CNBP: variants seen among roughly 807,000 people sequenced by gnomAD.
The protein encoded by CNBP is CCHC-type zinc finger nucleic acid binding protein.
In CNBP, 6 loss-of-function variants were observed where a neutral mutation model predicts 21.2. The ratio of observed to expected loss-of-function variants is 0.28; its 90% CI spans 0.16 to 0.56. The LOEUF (loss-of-function observed/expected upper bound fraction) is 0.56, where lower values mean the gene tolerates loss of function less well. Ranked by LOEUF, CNBP falls within the 20% of genes least tolerant of loss-of-function variation. The pLI is 0.93. For missense variants in CNBP, 112 were observed against 233.1 expected (o/e 0.48, Z 3.38); for synonymous variants, 61 against 74.9 (o/e 0.81, Z 0.96).
At chr3:129,170,701 T>C in intron 4 of CNBP, 131 bp from the exon 5 acceptor site, 2 of 709,114 alleles carry the variant, frequency 2.8e-6, no homozygotes, top group Non-Finnish European at 5.0e-6. Context: ...TTCACAGATA[T>C]GTACACAACA....
intron 1 of CNBP, among the ~76,000 whole-genome samples, chr3:129,178,506 T>C (rs906155757): frequency 6.6e-6 from 1 of 152,070 alleles, no homozygotes; most frequent in African/African-American, 2.4e-5. Context: ...ACTAGCAAAG[T>C]AGGGTATGAT....
intron 1 of CNBP, among the ~76,000 whole-genome samples, chr3:129,179,660 C>T (rs920945546): frequency 2.0e-5 from 3 of 152,070 alleles, no homozygotes; most frequent in Admixed American, 6.6e-5. Context: ...CACTTGAGGT[C>T]GGCAGCCTGG....
chr3:129,183,477 C>G (rs920381982), intron 1 of CNBP, among the ~76,000 whole-genome samples: 1 of 152,246 alleles, frequency 6.6e-6, no homozygotes, highest in Non-Finnish European at 1.5e-5. Flanking sequence ...GGCGCACGGG[C>G]GGGCCTCCTC....
chr3:129,175,991 C>T (rs1035513600), intron 1 of CNBP, among the ~76,000 whole-genome samples: 1 of 152,144 alleles, frequency 6.6e-6, no homozygotes, highest in African/African-American at 2.4e-5. Flanking sequence ...ATAGACTTGT[C>T]TCTTTAATAA....
intron 1 of CNBP, among the ~76,000 whole-genome samples, chr3:129,181,987 T>C (rs1016104887): frequency 1.3e-5 from 2 of 151,860 alleles, no homozygotes; most frequent in African/African-American, 2.4e-5. Context: ...TGTTTGATTA[T>C]CCTTAACCAG....
At chr3:129,183,198 T>G (rs745903489) in intron 1 of CNBP, among the ~76,000 whole-genome samples, 113 of 152,276 alleles carry the variant, frequency 7.4e-4, no homozygotes, top group Admixed American at 1.8e-3. Flanking sequence ...TCCGCCCGCC[T>G]GGGACTCTCA....
At chr3:129,183,366 G>A (rs900350116) in intron 1 of CNBP, among the ~76,000 whole-genome samples, 1 of 152,170 alleles carries the variant, frequency 6.6e-6, no homozygotes, top group African/African-American at 2.4e-5. Context: ...GCAGCCGGGA[G>A]CCTTTCCCCA....
At chr3:129,172,435 A>G (rs770254238) in intron 1 of CNBP, among the ~76,000 whole-genome samples, 1 of 151,992 alleles carries the variant, frequency 6.6e-6, no homozygotes, top group Admixed American at 6.6e-5. Context: ...TACAAAAAAC[A>G]GCCGGGCATG....
Position 129,170,205 on chromosome 3 carries a change from G to T in CNBP, c.*248C>A, listed in dbSNP as rs1055508996. The T allele has an allele frequency of 2.6e-5, 12 of 457,814 alleles. No individual in the cohort carries two copies. The highest frequency in any genetic ancestry group is 4.0e-5 in the Non-Finnish European group (10 of 252,082). The allele number at this position is 457,814 out of a possible 1,614,324, so 28.4% of individuals were successfully genotyped here. A position where few individuals can be genotyped will look rare whatever the true frequency, so the allele number is the denominator to read the frequency against. ...CCCATTCATCAATCCCTATTCACCA[G>T]TGGCACGGAAAGGGGGTTCTTTAAC... On this transcript the variant is annotated 3_prime_UTR_variant, in exon 5 of 5. Transcript: ENST00000422453.
In CNBP at chr3:129,182,435, G is replaced by C. The variant is rs543796935; in HGVS notation, c.-15+1341C>G. ...AAGACCAGAAACAGTCACTTCCTTTGGAAGTGCCCTGTGGCTGAGGCCATA... is the reference window on the plus strand; with the variant it reads ...AAGACCAGAAACAGTCACTTCCTTTCGAAGTGCCCTGTGGCTGAGGCCATA... On this transcript the variant is annotated intron_variant, in intron 1 of 4. Coordinates refer to ENST00000422453, the MANE Select transcript of CNBP (RefSeq NM_003418.5). Among the ~76,000 whole-genome samples, 4 of 152,078 alleles carry C rather than the reference G, an allele frequency of 2.6e-5. No individual in the cohort carries two copies. The East Asian group carries it at 7.7e-4, about 29-fold the overall frequency.
At chr3:129,181,015 G>T (rs1049840763) in intron 1 of CNBP, among the ~76,000 whole-genome samples, 1 of 151,722 alleles carries the variant, frequency 6.6e-6, no homozygotes, top group Admixed American at 6.6e-5. Flanking sequence ...CGAGGCGGGT[G>T]AATTACCTGA....
intron 1 of CNBP, among the ~76,000 whole-genome samples, chr3:129,178,388 T>C (rs142519037): frequency 0.011 from 1,628 of 152,234 alleles, 34 homozygotes; most frequent in African/African-American, 0.037. Context: ...TAACAGTATG[T>C]GGTCAAGACT....
At chr3:129,182,376 T>C (rs1181801108) in intron 1 of CNBP, among the ~76,000 whole-genome samples, 3 of 152,068 alleles carry the variant, frequency 2.0e-5, no homozygotes, top group Non-Finnish European at 2.9e-5. Flanking sequence ...TCACAGACGA[T>C]TACTGAGCAA....
rs549283048 is a variant in CNBP at position 129,169,602 on chromosome 3, G to A, written c.*851C>T. 34 of 208,736 alleles carry A rather than the reference G, an allele frequency of 1.6e-4. No individual in the cohort carries two copies. In the East Asian group the frequency reaches 2.4e-3, roughly 15 times the overall value. The allele number at this position is 208,736 out of a possible 1,614,324, so 12.9% of individuals were successfully genotyped here. ...TCCCCTTCCTCCTCCAGCTTTATTG[G>A]AATAGTTTAAAATTACATTTCTATT... On this transcript the variant is annotated 3_prime_UTR_variant, in exon 5 of 5. Transcript: ENST00000422453.
chr3:129,177,085 A>G (rs1293967505), intron 1 of CNBP, among the ~76,000 whole-genome samples: 1 of 152,208 alleles, frequency 6.6e-6, no homozygotes, highest in Admixed American at 6.5e-5. Flanking sequence ...TTCATAATCA[A>G]TTGGATTTCA....
intron 1 of CNBP, among the ~76,000 whole-genome samples, chr3:129,172,687 G>GAC (rs1187373246): frequency 1.3e-3 from 123 of 94,142 alleles, no homozygotes; most frequent in Middle Eastern, 9.7e-3. Context: ...CAGACAGACA[G>GAC]ACAGACAGAC....
At chr3:129,176,091 G>C (rs1283580305) in intron 1 of CNBP, among the ~76,000 whole-genome samples, 5 of 152,150 alleles carry the variant, frequency 3.3e-5, no homozygotes, top group Non-Finnish European at 7.4e-5. Context: ...CATCTCATAT[G>C]AACATTATTT....
intron 1 of CNBP, among the ~76,000 whole-genome samples, chr3:129,174,409 T>G (rs1937752859): frequency 7.1e-6 from 1 of 140,212 alleles, no homozygotes. Flanking sequence ...CTCACACCTG[T>G]AATCCCAGCA....
intron 1 of CNBP, among the ~76,000 whole-genome samples, chr3:129,175,481 G>A (rs1937841284): frequency 1.3e-5 from 2 of 148,194 alleles, no homozygotes; most frequent in African/African-American, 5.0e-5. Flanking sequence ...CCAGGCTGGA[G>A]TGCGGTGGCG....
Sources: gnomAD v4.1 joint callset for allele counts (sites outside exome capture counted in the v4.1 genomes callset) on GRCh38, gnomAD v4.1.1 for gene constraint, MANE v1.5 for transcripts, NCBI Gene and HGNC (gene_info 2026-07-23, HGNC 2026-07-21) for gene names.